The following OPHN1 variants were observed in gnomAD, a reference collection of about 807,000 sequenced individuals.
OPHN1 encodes the protein oligophrenin-1.
Under a neutral mutation model 60.7 loss-of-function variants are expected in OPHN1, and 11 were observed. The observed-to-expected ratio is 0.18, with a 90% CI of 0.11 to 0.30. The LOEUF (loss-of-function observed/expected upper bound fraction) is 0.30. OPHN1 is among the 10% of genes least tolerant of loss of function. OPHN1 has a pLI of 1.00. For synonymous variants in OPHN1, 226 were observed against 222.6 expected, an observed-to-expected ratio of 1.02 and a Z score of -0.14; for missense variants, 449 against 611.0, an observed-to-expected ratio of 0.73 and a Z score of 2.80.
chrX:68,404,778 C>G (rs977929026), intron 2 of OPHN1, among the ~76,000 whole-genome samples: 1 of 111,879 alleles, frequency 8.9e-6, no homozygotes, highest in Non-Finnish European at 1.9e-5. Context: ...ACACATGCTA[C>G]GTGAAAGAAC....
intron 2 of OPHN1, among the ~76,000 whole-genome samples, chrX:68,374,287 C>A: frequency 9.6e-6 from 1 of 103,667 alleles, no homozygotes; most frequent in African/African-American, 3.6e-5. Context: ...ACCTGGGAGG[C>A]AGAGGTTGCA....
chrX:68,375,322 G>A (rs1451762520), intron 2 of OPHN1, among the ~76,000 whole-genome samples: 1 of 111,130 alleles, frequency 9.0e-6, no homozygotes, highest in Non-Finnish European at 1.9e-5. Context: ...GCGAGAACTG[G>A]TCTCTTTACA....
At chrX:68,265,904 G>A (rs1340412481) in intron 5 of OPHN1, among the ~76,000 whole-genome samples, 3 of 111,518 alleles carry the variant, frequency 2.7e-5, no homozygotes, top group Admixed American at 9.6e-5. Context: ...TAGCCAATTC[G>A]ATCAAGTGGA....
At chrX:68,112,079 A>ACC in intron 17 of OPHN1, 120 bp from the exon 18 acceptor site, 1 of 421,378 alleles carries the variant, frequency 2.4e-6, no homozygotes, top group Non-Finnish European at 4.2e-6. Flanking sequence ...ACACACACAC[A>ACC]CACACACACA....
chrX:68,147,021 C>T (rs1380850279), intron 15 of OPHN1, among the ~76,000 whole-genome samples: 1 of 111,999 alleles, frequency 8.9e-6, no homozygotes, highest in Non-Finnish European at 1.9e-5. Context: ...CCTCATAGTT[C>T]TACAAAGTAT....
At chrX:68,214,163 G>A (rs1035770881) in intron 6 of OPHN1, among the ~76,000 whole-genome samples, 191 bp from the exon 7 acceptor site, 4 of 111,926 alleles carry the variant, frequency 3.6e-5, no homozygotes, top group Non-Finnish European at 7.5e-5. Flanking sequence ...TCCAGTTTCT[G>A]GTCCAACACA....
intron 19 of OPHN1, among the ~76,000 whole-genome samples, chrX:68,074,268 A>C (rs1026572510): frequency 4.5e-5 from 5 of 112,146 alleles, no homozygotes; most frequent in African/African-American, 1.6e-4. Context: ...ACACAAGGCA[A>C]GCTGTGTAAA....
At position 68,404,986 on chromosome X, in the gene OPHN1, C is replaced by G. The variant is rs781057443; in HGVS notation, c.154+27881G>C. Among the ~76,000 whole-genome samples the G allele has an allele frequency of 4.5e-5, 5 of 111,831 alleles. No individual in the cohort carries two copies. The South Asian group carries it at 1.9e-3, about 42-fold the overall frequency. ...TGCAAGATGAAAACAAGCTAGTGAT[C>G]TGTTGCACAACAATGTAAATCTACT... On this transcript the variant is annotated intron_variant, in intron 2 of 24. Transcript: ENST00000355520.
intron 5 of OPHN1, among the ~76,000 whole-genome samples, chrX:68,249,482 G>C (rs1194137118): frequency 1.8e-5 from 2 of 111,739 alleles, no homozygotes; most frequent in Non-Finnish European, 3.8e-5. Context: ...CAGGCAGCCA[G>C]AGCCAATAAG....
chrX:68,064,627 C>T (rs1248827191), intron 20 of OPHN1, among the ~76,000 whole-genome samples: 3 of 111,782 alleles, frequency 2.7e-5, no homozygotes, highest in Non-Finnish European at 5.6e-5. Flanking sequence ...TTCTCCAACC[C>T]GGAAGGAAAC....
intron 2 of OPHN1, among the ~76,000 whole-genome samples, chrX:68,369,483 A>G (rs1438904985): frequency 8.9e-6 from 1 of 111,775 alleles, no homozygotes; most frequent in Non-Finnish European, 1.9e-5. Context: ...CAGCCTACTC[A>G]AAGAACAAAA....
intron 15 of OPHN1, among the ~76,000 whole-genome samples, chrX:68,176,977 T>C (rs1602213749): frequency 9.4e-6 from 1 of 105,950 alleles, no homozygotes; most frequent in Non-Finnish European, 1.9e-5. Flanking sequence ...TATATACATA[T>C]ATATATATAT....
chrX:68,346,810 G>A (rs1051851690), intron 2 of OPHN1, among the ~76,000 whole-genome samples: 5 of 111,513 alleles, frequency 4.5e-5, no homozygotes, highest in Non-Finnish European at 9.4e-5. Flanking sequence ...TTGCACACGG[G>A]GAACCCACAG....
In OPHN1 at chrX:68,198,434, A is replaced by G. The variant is rs1188405203; in HGVS notation, c.1026-1170T>C. Reference sequence around the variant, plus strand: ...ACAAATGAATTTCTGTTGTTTATACATTACTGAGTCTCAGGTATTTTGTCA... The same window carrying G: ...ACAAATGAATTTCTGTTGTTTATACGTTACTGAGTCTCAGGTATTTTGTCA... On this transcript the variant is annotated intron_variant, in intron 11 of 24. Transcript: ENST00000355520. Among the ~76,000 whole-genome samples the G allele has an allele frequency of 6.3e-5, 7 of 111,590 alleles. No individual in the cohort carries two copies. In the Admixed American group the frequency reaches 6.7e-4, roughly 11 times the overall value.
At chrX:68,384,019 G>A (rs1301790467) in intron 2 of OPHN1, among the ~76,000 whole-genome samples, 1 of 110,826 alleles carries the variant, frequency 9.0e-6, no homozygotes, top group African/African-American at 3.3e-5. Context: ...ATGGGGGAGG[G>A]GTGACTGAAG....
At chrX:68,152,993 G>A (rs1267958288) in intron 15 of OPHN1, among the ~76,000 whole-genome samples, 2 of 108,912 alleles carry the variant, frequency 1.8e-5, no homozygotes, top group African/African-American at 6.7e-5. Flanking sequence ...GGTGGATCAC[G>A]TGAGGTCAGG....
intron 6 of OPHN1, among the ~76,000 whole-genome samples, chrX:68,219,928 A>C (rs1468866003): frequency 1.1e-5 from 1 of 90,458 alleles, no homozygotes; most frequent in Non-Finnish European, 2.2e-5. Context: ...AATAACTAAA[A>C]TCAGAGCAGA....
rs1054821668 is a variant in OPHN1 at position 68,090,390 on chromosome X, C to A, written c.1686+6480G>T. Reference sequence around the variant, plus strand: ...TACATTTACTTATATTTTAAAATATCTATCTATCTATCTTATTCCAGAAAT... The same window carrying A: ...TACATTTACTTATATTTTAAAATATATATCTATCTATCTTATTCCAGAAAT... On this transcript the variant is annotated intron_variant, in intron 19 of 24. Transcript: ENST00000355520. 8.1e-4 allele frequency among the ~76,000 whole-genome samples: 90 copies of A among 110,480 alleles called. 1 individual carries two copies. Among genetic ancestry groups the A allele is most frequent in the African/African-American group, 2.9e-3 (89 of 30,379 alleles).
intron 3 of OPHN1, among the ~76,000 whole-genome samples, chrX:68,291,419 CT>C (rs2078070453): frequency 8.9e-6 from 1 of 111,840 alleles, no homozygotes; most frequent in Non-Finnish European, 1.9e-5. Flanking sequence ...AGCAGTCAGT[CT>C]CCAGATCAGT....
Sources: allele counts gnomAD v4.1 joint callset (sites outside exome capture counted in the v4.1 genomes callset), GRCh38; gene constraint gnomAD v4.1.1; transcripts MANE v1.5; gene names NCBI Gene and HGNC (gene_info 2026-07-23, HGNC 2026-07-21).